Variants in FOXP2 observed in about 807,000 individuals in gnomAD.
FOXP2 encodes forkhead box P2, also known as forkhead box protein P2.
Under a neutral mutation model 115.8 loss-of-function variants are expected in FOXP2, and 12 were observed. The ratio of observed to expected loss-of-function variants is 0.10; its 90% CI spans 0.07 to 0.17. The LOEUF (loss-of-function observed/expected upper bound fraction) is 0.17. Among genes scored for constraint, FOXP2 ranks in the 10% least tolerant of loss-of-function variants. The probability of loss-of-function intolerance (pLI) is 1.00; values close to 1 mark genes in which losing one functional copy is unlikely to be tolerated. For synonymous variants in FOXP2, 328 were observed against 297.7 expected (o/e 1.10, Z -1.05); for missense variants, 629 against 843.5 (o/e 0.75, Z 3.15).
chr7:114,243,746 G>A (rs1795209221), intron 1 of FOXP2, among the ~76,000 whole-genome samples: 1 of 151,964 alleles, frequency 6.6e-6, no homozygotes, highest in Non-Finnish European at 1.5e-5. Flanking sequence ...AATTTCTCTG[G>A]GTATGTGAGA....
chr7:114,268,038 A>G (rs1004987128), intron 1 of FOXP2, among the ~76,000 whole-genome samples: 2 of 152,138 alleles, frequency 1.3e-5, no homozygotes, highest in African/African-American at 2.4e-5. Context: ...TGTATTTCAT[A>G]TAAGTGGAAT....
At chr7:114,624,270 T>C (rs1804408727) in intron 3 of FOXP2, among the ~76,000 whole-genome samples, 1 of 151,914 alleles carries the variant, frequency 6.6e-6, no homozygotes, top group South Asian at 2.1e-4. Context: ...ACACAAGTAG[T>C]TAATTGTCAT....
intron 1 of FOXP2, among the ~76,000 whole-genome samples, chr7:114,089,534 C>T (rs564335283): frequency 3.0e-4 from 46 of 151,786 alleles, no homozygotes; most frequent in Non-Finnish European, 4.9e-4. Context: ...AATTTATACT[C>T]GGGTGGAAAT....
intron 2 of FOXP2, among the ~76,000 whole-genome samples, chr7:114,397,896 A>G (rs908539646): frequency 6.6e-6 from 1 of 152,170 alleles, no homozygotes; most frequent in Non-Finnish European, 1.5e-5. Context: ...GATCCAAGTG[A>G]TCCATTGGAA....
At chr7:114,515,300 T>C (rs2129265106) in intron 2 of FOXP2, among the ~76,000 whole-genome samples, 1 of 151,370 alleles carries the variant, frequency 6.6e-6, no homozygotes, top group South Asian at 2.1e-4. Context: ...CACACTGACT[T>C]CCACAAGGGT....
At position 114,438,043 on chromosome 7, in the gene FOXP2, T is replaced by A. The variant is rs559284155; in HGVS notation, c.168+11364T>A. ...ATATTCTGGAATATATTGGGTTAAA[T>A]GAAATATATTATTTGAAACCATTTC... On this transcript the variant is annotated intron_variant, in intron 2 of 16. Coordinates refer to ENST00000350908, the MANE Select transcript of FOXP2 (RefSeq NM_014491.4). 7.9e-5 allele frequency among the ~76,000 whole-genome samples: 12 copies of A among 152,332 alleles called. 1 individual carries two copies. In the South Asian group the frequency reaches 2.3e-3, roughly 29 times the overall value.
chr7:114,642,595 T>G lies in FOXP2; in HGVS notation c.961T>G (p.Ser321Ala), dbSNP rs375163729. 4 of 1,613,584 alleles carry G rather than the reference T, an allele frequency of 2.5e-6. No homozygotes were observed. The African/African-American group carries it at 4.0e-5, about 16-fold the overall frequency. ...ITHHSIVNGQ[S>A]SVLSARRDSS... is the part of the protein sequence containing the mutation. ...TCATCATTCCATAGTGAATGGACAGTCTTCAGTTCTAAGTGCAAGACGAGA... is the reference window on the plus strand; with the variant it reads ...TCATCATTCCATAGTGAATGGACAGGCTTCAGTTCTAAGTGCAAGACGAGA... Residue 321 changes from serine to alanine, a missense_variant, in exon 7 of 17, where the codon TCT becomes GCT. By Grantham distance (99) the Ser-to-Ala change is moderately conservative. Transcript: ENST00000350908.
chr7:114,414,150 T>G (rs1793243172), upstream of FOXP2: 1 of 152,162 alleles, frequency 6.6e-6, no homozygotes, highest in African/African-American at 2.4e-5. Flanking sequence ...CTTAACAGTT[T>G]GAGGCTACCA....
At chr7:114,605,733 G>GGTGGCACT (rs1167239328) in intron 3 of FOXP2, among the ~76,000 whole-genome samples, 1 of 152,140 alleles carries the variant, frequency 6.6e-6, no homozygotes, top group Admixed American at 6.6e-5. Context: ...GTGCTCTGAG[G>GGTGGCACT]GTGGCACTGG....
chr7:114,572,499 T>C (rs1159890408), intron 3 of FOXP2, among the ~76,000 whole-genome samples: 2 of 151,868 alleles, frequency 1.3e-5, no homozygotes, highest in African/African-American at 2.4e-5. Context: ...GTATTCTCTG[T>C]ATATTTTAAA....
chr7:114,606,567 T>C (rs894959594), intron 3 of FOXP2, among the ~76,000 whole-genome samples: 1 of 152,228 alleles, frequency 6.6e-6, no homozygotes, highest in Non-Finnish European at 1.5e-5. Flanking sequence ...TTAAGCCACT[T>C]GAGTTTCTAT....
upstream of FOXP2, among the ~76,000 whole-genome samples, chr7:114,162,071 C>A (rs1279188453): frequency 2.0e-5 from 3 of 152,116 alleles, no homozygotes; most frequent in Admixed American, 6.6e-5. Context: ...GCGTGAGTCA[C>A]CATGCCAGGC....
At chr7:114,651,663 T>C (rs181208096) in intron 8 of FOXP2, among the ~76,000 whole-genome samples, 275 of 152,208 alleles carry the variant, frequency 1.8e-3, no homozygotes, top group African/African-American at 6.3e-3. Context: ...ATCAAAATCT[T>C]CAATGAAGTT....
At chr7:114,233,968 C>T (rs1328685255) in intron 1 of FOXP2, among the ~76,000 whole-genome samples, 3 of 152,084 alleles carry the variant, frequency 2.0e-5, no homozygotes, top group Non-Finnish European at 2.9e-5. Flanking sequence ...GTCCACATTG[C>T]GCCACTGCAC....
At position 114,540,995 on chromosome 7, in the gene FOXP2, A is replaced by G. The variant is rs746506817; in HGVS notation, c.258+6289A>G. Among the ~76,000 whole-genome samples the G allele has an allele frequency of 3.6e-4, 55 of 152,220 alleles. 1 individual carries two copies. Among genetic ancestry groups the G allele is most frequent in the Non-Finnish European group, 6.3e-4 (43 of 67,996 alleles). ...TTTTGATGAGGAAGTGAAATTATCA[A>G]AGCAGTGGTCTGTGAAGATAGCAAT... is the stretch of plus-strand genomic sequence containing the variant. On this transcript the variant is annotated intron_variant, in intron 3 of 16. Coordinates refer to ENST00000350908, the MANE Select transcript of FOXP2 (RefSeq NM_014491.4).
At chr7:114,291,128 A>C (rs1434849533) in intron 2 of FOXP2, among the ~76,000 whole-genome samples, 1 of 152,116 alleles carries the variant, frequency 6.6e-6, no homozygotes, top group Non-Finnish European at 1.5e-5. Flanking sequence ...TATAAACAGA[A>C]ATTTAATTTC....
chr7:114,179,534 A>G (rs1402241126), intron 1 of FOXP2, among the ~76,000 whole-genome samples: 1 of 152,008 alleles, frequency 6.6e-6, no homozygotes, highest in African/African-American at 2.4e-5. Flanking sequence ...CTTAATAAAA[A>G]TATTCGGTGA....
At chr7:114,519,201 G>T (rs904495515) in intron 2 of FOXP2, among the ~76,000 whole-genome samples, 6 of 152,126 alleles carry the variant, frequency 3.9e-5, no homozygotes, top group African/African-American at 1.4e-4. Flanking sequence ...CAATACCATA[G>T]AAGCTCAAAT....
At chr7:114,255,678 A>T (rs1459380185) in intron 1 of FOXP2, among the ~76,000 whole-genome samples, 1 of 152,262 alleles carries the variant, frequency 6.6e-6, no homozygotes, top group Middle Eastern at 3.4e-3. Context: ...CCAATTTTCC[A>T]GGTGCCATCT....
Sources: gnomAD v4.1 joint callset for allele counts (sites outside exome capture counted in the v4.1 genomes callset) on GRCh38, gnomAD v4.1.1 for gene constraint, MANE v1.5 for transcripts, NCBI Gene and HGNC (gene_info 2026-07-23, HGNC 2026-07-21) for gene names.